C1QB: variants seen among roughly 807,000 people sequenced by gnomAD.
C1QB encodes the protein complement C1q B chain, also known as complement C1q subcomponent subunit B.
A neutral mutation model predicts 4.6 loss-of-function variants in C1QB; 2 were observed. The ratio of observed to expected loss-of-function variants is 0.43; its 90% CI spans 0.18 to 1.36. C1QB has a LOEUF of 1.36. Ranked by LOEUF, C1QB falls within the 40% of genes most tolerant of loss-of-function variation. C1QB has a pLI of 0.28. For synonymous variants in C1QB, 132 were observed against 137.1 expected, an observed-to-expected ratio of 0.96 and a Z score of 0.26; for missense variants, 292 against 338.0, an observed-to-expected ratio of 0.86 and a Z score of 1.07.
chr1:22,656,143 C>T lies in C1QB; in HGVS notation c.-24+2840C>T, dbSNP rs144426163. 1.0e-3 allele frequency among the ~76,000 whole-genome samples: 152 copies of T among 152,202 alleles called. No homozygotes were observed. The East Asian group carries it at 0.021, about 21-fold the overall frequency. On this transcript the variant is annotated intron_variant, in intron 1 of 2. Coordinates refer to ENST00000509305, the MANE Select transcript of C1QB (RefSeq NM_001378156.1). The stretch of plus-strand genomic sequence containing the variant: ...ACAACGTTTGTGCAGCAGGGGAGTG[C>T]GTTGAGGCACCACACGGGGGACCTT...
At chr1:22,656,780 C>T (rs2148302994) in intron 1 of C1QB, among the ~76,000 whole-genome samples, 1 of 152,290 alleles carries the variant, frequency 6.6e-6, no homozygotes, top group East Asian at 1.9e-4. Flanking sequence ...CCTCAGACAC[C>T]ATTTGCAAGT....
chr1:22,654,816 G>C (rs1642508550), intron 1 of C1QB, among the ~76,000 whole-genome samples: 1 of 152,168 alleles, frequency 6.6e-6, no homozygotes, highest in Admixed American at 6.5e-5. Context: ...CAATCATCGT[G>C]GTGGTAAAAA....
At chr1:22,657,681 G>T (rs946036453) in intron 1 of C1QB, among the ~76,000 whole-genome samples, 5 of 152,210 alleles carry the variant, frequency 3.3e-5, no homozygotes, top group African/African-American at 1.2e-4. Flanking sequence ...GGTTGCACAA[G>T]ACTGTGAATG....
At chr1:22,656,071 T>A (rs1167060218) in intron 1 of C1QB, among the ~76,000 whole-genome samples, 1 of 152,078 alleles carries the variant, frequency 6.6e-6, no homozygotes, top group African/African-American at 2.4e-5. Flanking sequence ...AAGGAAATAA[T>A]GTGATGTGCA....
At chr1:22,659,268 AC>A (rs1642580792) in intron 1 of C1QB, among the ~76,000 whole-genome samples, 171 bp from the exon 2 acceptor site, 1 of 141,714 alleles carries the variant, frequency 7.1e-6, no homozygotes, top group Admixed American at 7.0e-5. Context: ...GGATGGATGG[AC>A]GGATGCAGAT....
Position 22,661,477 on chromosome 1 carries a change from A to G in C1QB, c.*91A>G, listed in dbSNP as rs1642622469. The G allele has an allele frequency of 1.4e-6, 2 of 1,441,366 alleles. No individual in the cohort carries two copies. Among genetic ancestry groups the G allele is most frequent in the East Asian group, 4.6e-5 (2 of 43,924 alleles). The allele number at this position is 1,441,366 out of a possible 1,614,324, so 89.3% of individuals were successfully genotyped here. Reference sequence around the variant, plus strand: ...CACCCCTTGCCCAACCAATGCACACAGTAGGGCTTGGTGAATGCTGCTGAG... The same window carrying G: ...CACCCCTTGCCCAACCAATGCACACGGTAGGGCTTGGTGAATGCTGCTGAG... On this transcript the variant is annotated 3_prime_UTR_variant, in exon 3 of 3. Coordinates refer to ENST00000509305, the MANE Select transcript of C1QB (RefSeq NM_001378156.1).
chr1:22,661,032 G>A lies in C1QB; in HGVS notation c.402G>A (p.Arg134=), dbSNP rs1642612823. The change falls in exon 3 of 3, where the codon CGG becomes CGA. Residue 134 remains arginine, a synonymous_variant. Transcript: ENST00000509305. ...GAACCATCAACGTCCCCCTGCGCCG[G>A]GACCAGACCATCCGCTTCGACCACG... ...ATRTINVPLR[R]DQTIRFDHVI... 1 of 1,613,674 alleles carries A rather than the reference G, an allele frequency of 6.2e-7. No homozygotes were observed. Among genetic ancestry groups the A allele is most frequent in the African/African-American group, 1.3e-5 (1 of 74,802 alleles).
intron 1 of C1QB, 149 bp from the exon 2 acceptor site, chr1:22,659,291 G>GAGAT: frequency 1.9e-6 from 1 of 527,426 alleles, no homozygotes; most frequent in East Asian, 4.4e-5. Flanking sequence ...GAGGGATAGA[G>GAGAT]AGATGGATGG....
chr1:22,657,446 T>A (rs867214606), intron 1 of C1QB, among the ~76,000 whole-genome samples: 2 of 152,192 alleles, frequency 1.3e-5, no homozygotes, highest in African/African-American at 2.4e-5. Context: ...GAAACATGGA[T>A]GAACCTTGAA....
rs1372586249 is a variant in C1QB, at chr1:22,655,871, G to A, written c.-24+2568G>A. Among the ~76,000 whole-genome samples, 3 of 152,284 alleles carry A rather than the reference G, an allele frequency of 2.0e-5. No homozygotes were observed. In the East Asian group the frequency reaches 5.8e-4, roughly 29 times the overall value. On this transcript the variant is annotated intron_variant, in intron 1 of 2. Transcript: ENST00000509305. ...TTCAGCCTCTGAGGAAAGGTTTCCT[G>A]GAGGAAGAAGGCTTTGACCCAAGCT...
At chr1:22,656,262 G>T (rs779852716) in intron 1 of C1QB, among the ~76,000 whole-genome samples, 5 of 152,090 alleles carry the variant, frequency 3.3e-5, no homozygotes, top group Non-Finnish European at 7.4e-5. Context: ...CCTCTCCTGG[G>T]TATAAACCCC....
intron 1 of C1QB, among the ~76,000 whole-genome samples, chr1:22,655,161 G>A (rs1374519126): frequency 6.6e-6 from 1 of 152,184 alleles, no homozygotes; most frequent in Non-Finnish European, 1.5e-5. Context: ...TGGCCTATAC[G>A]TACCCAACTT....
At chr1:22,658,757 T>G (rs958694142) in intron 1 of C1QB, among the ~76,000 whole-genome samples, 4 of 149,220 alleles carry the variant, frequency 2.7e-5, no homozygotes, top group Non-Finnish European at 6.0e-5. Flanking sequence ...GATGGATAGA[T>G]GGACAGAGGG....
At chr1:22,656,898 C>T (rs900495613) in intron 1 of C1QB, among the ~76,000 whole-genome samples, 16 of 152,062 alleles carry the variant, frequency 1.1e-4, no homozygotes, top group Admixed American at 2.0e-4. Context: ...CGGGGAAACA[C>T]GTTTACAAGT....
chr1:22,656,165 C>T (rs1298740136), intron 1 of C1QB, among the ~76,000 whole-genome samples: 2 of 152,080 alleles, frequency 1.3e-5, no homozygotes, highest in African/African-American at 2.4e-5. Context: ...ACACGGGGGA[C>T]CTTGGCAGAG....
intron 1 of C1QB, among the ~76,000 whole-genome samples, chr1:22,655,664 C>G (rs1642518778): frequency 6.6e-6 from 1 of 152,136 alleles, no homozygotes; most frequent in Admixed American, 6.5e-5. Flanking sequence ...AACCCACTTC[C>G]CCAGGGTGTT....
intron 1 of C1QB, 81 bp from the exon 2 acceptor site, chr1:22,659,359 G>T: frequency 8.8e-7 from 1 of 1,137,090 alleles, no homozygotes; most frequent in Non-Finnish European, 1.3e-6. Context: ...TGGATGGATG[G>T]ATGGATGGAT....
At chr1:22,654,171 G>A (rs1170304589) in intron 1 of C1QB, 2 of 152,516 alleles carry the variant, frequency 1.3e-5, no homozygotes, top group Admixed American at 1.3e-4. Context: ...GTCAGAGCCT[G>A]GGGGGAGGAC....
chr1:22,659,669 G>A (rs1642592449), intron 2 of C1QB, 26 bp downstream of exon 2: 2 of 1,593,562 alleles, frequency 1.3e-6, no homozygotes, highest in Non-Finnish European at 1.7e-6. Context: ...GCAGGACACT[G>A]GTAATACTGA....
Sources: allele counts gnomAD v4.1 joint callset (sites outside exome capture counted in the v4.1 genomes callset), GRCh38; gene constraint gnomAD v4.1.1; transcripts MANE v1.5; gene names NCBI Gene and HGNC (gene_info 2026-07-23, HGNC 2026-07-21).